Variants in FHOD3 observed in about 807,000 individuals in gnomAD.
FHOD3 encodes the protein formin homology 2 domain containing 3, also known as FH1/FH2 domain-containing protein 3.
Under a neutral mutation model 173.0 loss-of-function variants are expected in FHOD3, and 90 were observed. That is an observed-to-expected ratio of 0.52 (90% CI 0.44 to 0.62). The LOEUF is 0.62. Among genes scored for constraint, FHOD3 ranks in the 20% least tolerant of loss-of-function variants. FHOD3 has a pLI of 0.00. For synonymous variants in FHOD3, 828 were observed against 823.0 expected (o/e 1.01, Z -0.10); for missense variants, 1,945 against 2,034.7 (o/e 0.96, Z 0.85).
intron 8 of FHOD3, among the ~76,000 whole-genome samples, chr18:36,603,805 A>T (rs1054073405): frequency 1.3e-5 from 2 of 152,174 alleles, no homozygotes; most frequent in Admixed American, 1.3e-4. Flanking sequence ...TGCCTGGCCA[A>T]AATTATTTTT....
intron 5 of FHOD3, among the ~76,000 whole-genome samples, chr18:36,553,755 C>G (rs945464055): frequency 6.6e-6 from 1 of 152,078 alleles, no homozygotes; most frequent in African/African-American, 2.4e-5. Flanking sequence ...GGGCTAATAT[C>G]CAGAATCTAC....
intron 20 of FHOD3, among the ~76,000 whole-genome samples, chr18:36,732,799 G>A (rs2041435017): frequency 6.6e-6 from 1 of 152,136 alleles, no homozygotes; most frequent in African/African-American, 2.4e-5. Context: ...GGATGAGCAG[G>A]GCAGTGGCCT....
intron 23 of FHOD3, 128 bp downstream of exon 23, chr18:36,744,321 G>C: frequency 1.1e-6 from 1 of 891,662 alleles, no homozygotes; most frequent in Non-Finnish European, 1.7e-6. Flanking sequence ...CTCTGCTCTG[G>C]AGTTTATGAA....
chr18:36,477,068 G>C (rs1324003556), intron 3 of FHOD3, among the ~76,000 whole-genome samples: 1 of 152,210 alleles, frequency 6.6e-6, no homozygotes, highest in Non-Finnish European at 1.5e-5. Flanking sequence ...TATCTGGTGA[G>C]GGTGGATTTC....
intron 14 of FHOD3, among the ~76,000 whole-genome samples, chr18:36,668,912 T>G (rs931100576): frequency 6.6e-6 from 1 of 152,010 alleles, no homozygotes; most frequent in African/African-American, 2.4e-5. Flanking sequence ...TAGGATCAAC[T>G]GTGGCAAATA....
At chr18:36,390,486 G>A (rs1282823179) in intron 3 of FHOD3, among the ~76,000 whole-genome samples, 1 of 151,960 alleles carries the variant, frequency 6.6e-6, no homozygotes, top group Non-Finnish European at 1.5e-5. Flanking sequence ...TTCTGGTGCT[G>A]GGTCCTGCTC....
chr18:36,342,894 T>C (rs2045694408), intron 1 of FHOD3, among the ~76,000 whole-genome samples: 1 of 152,222 alleles, frequency 6.6e-6, no homozygotes, highest in Non-Finnish European at 1.5e-5. Context: ...AAAAGATATA[T>C]ACATGCCCAG....
intron 8 of FHOD3, among the ~76,000 whole-genome samples, chr18:36,605,290 A>G (rs2031930589): frequency 6.6e-6 from 1 of 152,180 alleles, no homozygotes; most frequent in Non-Finnish European, 1.5e-5. Context: ...TACCTATTTT[A>G]TTGATAAGGC....
At chr18:36,489,384 G>A (rs1041827235) in intron 3 of FHOD3, among the ~76,000 whole-genome samples, 4 of 152,190 alleles carry the variant, frequency 2.6e-5, no homozygotes, top group African/African-American at 9.7e-5. Flanking sequence ...AAACCAACTC[G>A]GGTGCGTGTT....
chr18:36,773,612 G>A (rs971920442), intron 28 of FHOD3, among the ~76,000 whole-genome samples: 7 of 152,150 alleles, frequency 4.6e-5, no homozygotes, highest in African/African-American at 9.7e-5. Context: ...GGGGTTAAGC[G>A]AGGCATCTAT....
intron 1 of FHOD3, among the ~76,000 whole-genome samples, chr18:36,331,858 G>T (rs942306886): frequency 2.6e-5 from 4 of 152,144 alleles, no homozygotes; most frequent in Non-Finnish European, 4.4e-5. Flanking sequence ...GAGGACCATG[G>T]GAGACAAACC....
intron 4 of FHOD3, among the ~76,000 whole-genome samples, chr18:36,505,619 A>G (rs1185621452): frequency 1.3e-5 from 2 of 152,226 alleles, no homozygotes; most frequent in Non-Finnish European, 2.9e-5. Flanking sequence ...TTAAGAAAAG[A>G]CACAACATTA....
chr18:36,343,755 G>T (rs1207354154), intron 1 of FHOD3, among the ~76,000 whole-genome samples: 1 of 152,154 alleles, frequency 6.6e-6, no homozygotes, highest in Non-Finnish European at 1.5e-5. Flanking sequence ...CTGTGAGCCA[G>T]ATAACTCTTC....
At chr18:36,526,847 G>T (rs2056540767) in intron 5 of FHOD3, among the ~76,000 whole-genome samples, 1 of 152,222 alleles carries the variant, frequency 6.6e-6, no homozygotes, top group Admixed American at 6.5e-5. Context: ...GCATTATCAG[G>T]CTTGAAAATA....
Position 36,347,160 on chromosome 18 carries a change from T to C in FHOD3, c.166-8379T>C, listed in dbSNP as rs897054201. Reference sequence around the variant, plus strand: ...CAGTGATAATAATAATCCTGAAACATAGTGTTGATACGATTTTCAACTTGA... The same window carrying C: ...CAGTGATAATAATAATCCTGAAACACAGTGTTGATACGATTTTCAACTTGA... On this transcript the variant is annotated intron_variant, in intron 1 of 28. Coordinates refer to ENST00000590592, the MANE Select transcript of FHOD3 (RefSeq NM_001281740.3). Among the ~76,000 whole-genome samples the C allele has an allele frequency of 4.6e-5, 7 of 152,184 alleles. No individual in the cohort carries two copies. In the South Asian group the frequency reaches 1.5e-3, roughly 32 times the overall value.
chr18:36,469,367 T>G (rs563770481), intron 3 of FHOD3, among the ~76,000 whole-genome samples: 3 of 152,270 alleles, frequency 2.0e-5, no homozygotes, highest in Non-Finnish European at 4.4e-5. Context: ...TTTGTAGCTT[T>G]TATCGCCGAG....
At chr18:36,405,813 G>A (rs59593666) in intron 3 of FHOD3, among the ~76,000 whole-genome samples, 32,599 of 152,126 alleles carry the variant, frequency 0.21, 4,087 homozygotes, top group East Asian at 0.67. Flanking sequence ...TAAGGTTCAT[G>A]TATACTGGGA....
chr18:36,703,911 G>C (rs2039725632), intron 17 of FHOD3, among the ~76,000 whole-genome samples: 2 of 152,172 alleles, frequency 1.3e-5, no homozygotes, highest in Middle Eastern at 3.4e-3. Flanking sequence ...CATGTTGATG[G>C]GTTCCCATCC....
chr18:36,718,816 TA>T (rs1357364328), intron 19 of FHOD3, 101 bp downstream of exon 19: 18 of 1,504,176 alleles, frequency 1.2e-5, no homozygotes, highest in Non-Finnish European at 1.4e-5. Flanking sequence ...TGCTATTTGG[TA>T]AAAAGTCCAT....
Sources: gnomAD v4.1 joint callset for allele counts (sites outside exome capture counted in the v4.1 genomes callset) on GRCh38, gnomAD v4.1.1 for gene constraint, MANE v1.5 for transcripts, NCBI Gene and HGNC (gene_info 2026-07-23, HGNC 2026-07-21) for gene names.